The following FHOD1 variants were observed in gnomAD, a reference collection of about 807,000 sequenced individuals.
FHOD1 encodes the protein formin homology 2 domain containing 1, also known as FH1/FH2 domain-containing protein 1.
Under a neutral mutation model 111.6 loss-of-function variants are expected in FHOD1, and 89 were observed. That is an observed-to-expected ratio of 0.80 (90% CI 0.67 to 0.95). The LOEUF is 0.95. FHOD1 is among the 40% of genes least tolerant of loss of function. FHOD1 has a pLI of 0.00. For missense variants in FHOD1, 1,446 were observed against 1,554.2 expected (o/e 0.93, Z 1.17); for synonymous variants, 618 against 639.0 (o/e 0.97, Z 0.50).
In FHOD1 at chr16:67,230,184, G is replaced by C; in HGVS notation, c.3096C>G (p.Pro1032=). The C allele has an allele frequency of 6.2e-7, 1 of 1,614,032 alleles. No individual in the cohort carries two copies. The highest frequency in any genetic ancestry group is 8.5e-7 in the Non-Finnish European group (1 of 1,179,904). Reference sequence around the variant, plus strand: ...CGCTGCTCACTGCTACTGGGACAGAGGGGTTGCTGGGGGCTTCCCCAGCCA... The same window carrying C: ...CGCTGCTCACTGCTACTGGGACAGACGGGTTGCTGGGGGCTTCCCCAGCCA... ...SGVAGEAPSN[P]SVPVAVSSGP... Residue 1032 remains proline (P), a synonymous_variant, in exon 20 of 22, where the codon CCC becomes CCG. Coordinates refer to ENST00000258201, the MANE Select transcript of FHOD1 (RefSeq NM_013241.3).
Position 67,238,850 on chromosome 16 carries a change from A to C in FHOD1, c.373+53T>G, listed in dbSNP as rs1047547939. ...TCAGCACAGGCCTGAAGGTGAGCCAACTGGGCTATGGGGAGGAGGTGCTGC... is the reference window on the plus strand; with the variant it reads ...TCAGCACAGGCCTGAAGGTGAGCCACCTGGGCTATGGGGAGGAGGTGCTGC... On this transcript the variant is annotated intron_variant, in intron 3 of 21. Transcript: ENST00000258201. This position sits in a 1 kb window ranked among gnomAD's most constrained non-coding sequence, Gnocchi z 4.2. 6.3e-7 allele frequency: 1 copy of C among 1,578,490 alleles called. No homozygotes were observed. The highest frequency in any genetic ancestry group is 1.1e-5 in the South Asian group (1 of 90,332).
rs780175866 is a variant in FHOD1, at chr16:67,237,149, T to TA, written c.994-36dup. On this transcript the variant is annotated intron_variant, in intron 9 of 21. Transcript: ENST00000258201. The surrounding 1 kb of genome is among the most constrained non-coding windows in gnomAD (Gnocchi z 5.6). ...GCGGACCAGGATGTAAGAAAGTGGT[T>TA]AACGTGTATGCAGGTGGGGTGGGGC... 14 of 1,602,776 alleles carry TA rather than the reference T, an allele frequency of 8.7e-6. 1 individual carries two copies. In the South Asian group the frequency reaches 1.6e-4, roughly 18 times the overall value.
chr16:67,242,503 G>A (rs917435204), intron 1 of FHOD1, among the ~76,000 whole-genome samples: 6 of 152,300 alleles, frequency 3.9e-5, no homozygotes, highest in East Asian at 1.9e-4. Context: ...CTCACACCCC[G>A]GCCCCTTCCT....
rs145761825 is a variant in FHOD1 at position 67,232,332 on chromosome 16, A to G, written c.2047-138T>C. 137 of 742,126 alleles carry G rather than the reference A, an allele frequency of 1.8e-4. No homozygotes were observed. The African/African-American group carries it at 1.9e-3, about 10-fold the overall frequency. 46.0% of individuals were successfully genotyped at this position (742,126 alleles called of 1,614,324 possible). A position where few individuals can be genotyped will look rare whatever the true frequency, so the allele number is the denominator to read the frequency against. On this transcript the variant is annotated intron_variant, in intron 13 of 21. Coordinates refer to ENST00000258201, the MANE Select transcript of FHOD1 (RefSeq NM_013241.3). Reference sequence around the variant, plus strand: ...GGAGATCGAGACCATCCTGGCTAACATGGTGAAACCCCATCTCTACTAAAA... The same window carrying G: ...GGAGATCGAGACCATCCTGGCTAACGTGGTGAAACCCCATCTCTACTAAAA...
chr16:67,241,724 G>C (rs2034673810), intron 1 of FHOD1, among the ~76,000 whole-genome samples: 1 of 152,196 alleles, frequency 6.6e-6, no homozygotes, highest in African/African-American at 2.4e-5. Flanking sequence ...AAGGGGAGGG[G>C]CAGAGTGCTA....
In FHOD1 at chr16:67,237,057, G is replaced by A. The variant is rs150975190; in HGVS notation, c.1051C>T (p.Arg351Trp). 7.4e-6 allele frequency: 12 copies of A among 1,612,968 alleles called. No homozygotes were observed. Among genetic ancestry groups the A allele is most frequent in the African/African-American group, 1.3e-5 (1 of 74,910 alleles). The change falls in exon 10 of 22, where the codon CGG becomes TGG. Residue 351 changes from arginine to tryptophan, a missense_variant. Physicochemically the swap from Arg to Trp is moderately radical, Grantham distance 101. Around this residue, in one of 3 missense-constraint regions of FHOD1, gnomAD observed 1,085 missense variants for 1,108.8 expected, o/e 0.98. Coordinates refer to ENST00000258201, the MANE Select transcript of FHOD1 (RefSeq NM_013241.3). This position sits in a 1 kb window ranked among gnomAD's most constrained non-coding sequence, Gnocchi z 5.6. ...TCAGAAGAAGGCTTTCGTCGTTCCC[G>A]CCGCCCACCAGCGCCTGGGGCTTCT... is the stretch of plus-strand genomic sequence containing the variant. ...IEEAPGAGGRRERRKPSSEEG... is the reference protein window; with the variant it reads ...IEEAPGAGGRWERRKPSSEEG...
At chr16:67,233,204 A>T (rs1166147511) in intron 13 of FHOD1, among the ~76,000 whole-genome samples, 1 of 151,872 alleles carries the variant, frequency 6.6e-6, no homozygotes, top group African/African-American at 2.4e-5. Flanking sequence ...CTCCTGCCTC[A>T]GCCTCCCGAG....
chr16:67,230,879 G>C (rs2034240378), intron 17 of FHOD1, 88 bp from the exon 18 acceptor site: 1 of 1,382,826 alleles, frequency 7.2e-7, no homozygotes. Context: ...AGAGTGGCCA[G>C]CTTGGGCCCT....
intron 11 of FHOD1, among the ~76,000 whole-genome samples, chr16:67,235,732 C>T (rs2034452569): frequency 6.6e-6 from 1 of 152,144 alleles, no homozygotes; most frequent in Non-Finnish European, 1.5e-5. Context: ...CCTCCCTGCT[C>T]GCTTCTGAGC....
chr16:67,236,063 A>C, intron 11 of FHOD1: 1 of 978,228 alleles, frequency 1.0e-6, no homozygotes. Flanking sequence ...GTGGGCTCTC[A>C]GGGGCCCTGG....
chr16:67,246,960 C>G, intron 1 of FHOD1: 2 of 525,376 alleles, frequency 3.8e-6, no homozygotes, highest in Non-Finnish European at 6.6e-6. Context: ...GAGCACCTCC[C>G]CAGGTGCGCC....
In FHOD1 at chr16:67,229,563, C is replaced by G. The variant is rs2034162649; in HGVS notation, c.*73G>C. ...AGAGTTCTGGGGCCAGAATTCTGCTCTGGGCCCTCCTCACTCTGTCATCTC... is the reference window on the plus strand; with the variant it reads ...AGAGTTCTGGGGCCAGAATTCTGCTGTGGGCCCTCCTCACTCTGTCATCTC... On this transcript the variant is annotated 3_prime_UTR_variant, in exon 22 of 22. Transcript: ENST00000258201. 3.6e-6 allele frequency: 5 copies of G among 1,383,840 alleles called. No individual in the cohort carries two copies. Among genetic ancestry groups the G allele is most frequent in the Non-Finnish European group, 4.1e-6 (4 of 970,718 alleles). 85.7% of individuals were successfully genotyped at this position (1,383,840 alleles called of 1,614,324 possible). A position where few individuals can be genotyped will look rare whatever the true frequency, so the allele number is the denominator to read the frequency against.
chr16:67,233,722 A>T lies in FHOD1; in HGVS notation c.1981T>A (p.Ser661Thr). 1 of 1,612,472 alleles carries T rather than the reference A, an allele frequency of 6.2e-7. No homozygotes were observed. The highest frequency in any genetic ancestry group is 1.7e-4 in the Middle Eastern group (1 of 6,058). The change falls in exon 13 of 22, where the codon TCA becomes ACA. Residue 661 changes from serine (S) to threonine (T), a missense_variant. Coordinates refer to ENST00000258201, the MANE Select transcript of FHOD1 (RefSeq NM_013241.3). The part of the protein sequence containing the change: ...ATLWASLDPV[S>T]VDTARLEHLF... The stretch of plus-strand genomic sequence containing the variant: ...TGTTCCAGTCGGGCCGTGTCCACTG[A>T]GACAGGGTCCAGTGAAGCCCAGAGG...
rs1567393918 is a variant in FHOD1 at position 67,239,403 on chromosome 16, C to T, written c.253G>A (p.Glu85Lys). 8 of 1,614,120 alleles carry T rather than the reference C, an allele frequency of 5.0e-6. No homozygotes were observed. The highest frequency in any genetic ancestry group is 2.2e-5 in the East Asian group (1 of 44,878). ...VSPSGYYLDT[E>K]LSLEEQREML... The stretch of plus-strand genomic sequence containing the variant: ...TCCCGCTGCTCTTCCAGGGACAGCT[C>T]GGTGTCCAGGTAGTATCCGGAGGGA... The change falls in exon 2 of 22, where the codon GAG becomes AAG. Residue 85 changes from glutamate (E) to lysine (K), a missense_variant. By Grantham distance (56) the Glu-to-Lys change is moderately conservative. Around this residue, in one of 3 missense-constraint regions of FHOD1, gnomAD observed 127 missense variants for 118.0 expected, o/e 1.08. Transcript: ENST00000258201.
intron 1 of FHOD1, among the ~76,000 whole-genome samples, chr16:67,240,189 A>G (rs1040805282): frequency 4.6e-5 from 7 of 152,120 alleles, no homozygotes; most frequent in Non-Finnish European, 1.0e-4. Flanking sequence ...TACAGTTACA[A>G]TGGTCCTAGC....
intron 1 of FHOD1, among the ~76,000 whole-genome samples, chr16:67,245,938 C>T (rs912548051): frequency 6.6e-6 from 1 of 152,224 alleles, no homozygotes; most frequent in Non-Finnish European, 1.5e-5. Flanking sequence ...GAGGTGGCCT[C>T]CAGCTGCACA....
chr16:67,236,796 G>C, intron 10 of FHOD1, 63 bp from the exon 11 acceptor site: 2 of 1,334,006 alleles, frequency 1.5e-6, no homozygotes, highest in Non-Finnish European at 2.0e-6. Flanking sequence ...CTGTCAGTGG[G>C]GTGGGGCCTG....
chr16:67,236,195 G>A, intron 11 of FHOD1: 2 of 407,242 alleles, frequency 4.9e-6, no homozygotes, highest in Non-Finnish European at 6.6e-6. Context: ...GTGGGGGAAG[G>A]TATGACACGA....
rs571145502 is a variant in FHOD1, at chr16:67,237,152, C to A, written c.994-38G>T. The A allele has an allele frequency of 3.1e-6, 5 of 1,602,108 alleles. No homozygotes were observed. Among genetic ancestry groups the A allele is most frequent in the Non-Finnish European group, 4.3e-6 (5 of 1,172,760 alleles). Reference sequence around the variant, plus strand: ...GACCAGGATGTAAGAAAGTGGTTAACGTGTATGCAGGTGGGGTGGGGCGCT... The same window carrying A: ...GACCAGGATGTAAGAAAGTGGTTAAAGTGTATGCAGGTGGGGTGGGGCGCT... On this transcript the variant is annotated intron_variant, in intron 9 of 21. Coordinates refer to ENST00000258201, the MANE Select transcript of FHOD1 (RefSeq NM_013241.3). The surrounding 1 kb of genome is among the most constrained non-coding windows in gnomAD (Gnocchi z 5.6).
Sources: allele counts gnomAD v4.1 joint callset (sites outside exome capture counted in the v4.1 genomes callset), GRCh38; gene constraint gnomAD v4.1.1; regional missense constraint gnomAD v4.1.1; non-coding constraint Gnocchi (gnomAD v3.1); transcripts MANE v1.5; gene names NCBI Gene and HGNC (gene_info 2026-07-23, HGNC 2026-07-21).